Variants in SLC60A1 observed in about 807,000 individuals in gnomAD.
SLC60A1 encodes the protein major facilitator superfamily domain containing 4.
the SLC60A1 span, chr1:205,586,259 C>T: frequency 3.1e-6 from 5 of 1,598,164 alleles, no homozygotes; most frequent in Admixed American, 8.5e-5. Flanking sequence ...GGAGAAGCCG[C>T]CTCCTCCTGG....
the SLC60A1 span, among the ~76,000 whole-genome samples, chr1:205,593,305 C>T: frequency 6.6e-6 from 1 of 151,446 alleles, no homozygotes; most frequent in South Asian, 2.1e-4. Flanking sequence ...CCCGTCTCTA[C>T]TAAAAATACA....
At chr1:205,595,810 G>A in the SLC60A1 span, among the ~76,000 whole-genome samples, 1 of 152,210 alleles carries the variant, frequency 6.6e-6, no homozygotes, top group African/African-American at 2.4e-5. Flanking sequence ...GTATTCACCT[G>A]AGCATCCTCA....
the SLC60A1 span, chr1:205,598,880 C>T: frequency 3.8e-6 from 2 of 522,024 alleles, no homozygotes; most frequent in Non-Finnish European, 3.4e-6. Context: ...GGTTCCAGAA[C>T]ACAGAGCTGC....
chr1:205,582,668 C>G, the SLC60A1 span, among the ~76,000 whole-genome samples: 1 of 152,210 alleles, frequency 6.6e-6, no homozygotes, highest in East Asian at 1.9e-4. Context: ...TTTCCCCCCT[C>G]ACACTGGAGG....
the SLC60A1 span, chr1:205,579,874 C>T: frequency 6.2e-7 from 1 of 1,614,144 alleles, no homozygotes; most frequent in South Asian, 1.1e-5. Context: ...CGGGCTTGGC[C>T]ATGGGCTGCA....
chr1:205,597,729 T>C, the SLC60A1 span: 3 of 1,600,400 alleles, frequency 1.9e-6, no homozygotes, highest in Non-Finnish European at 2.6e-6. Context: ...TAATGCTGGC[T>C]TCTGTCTCCT....
the SLC60A1 span, chr1:205,599,332 A>T: frequency 6.5e-7 from 1 of 1,542,200 alleles, no homozygotes; most frequent in Non-Finnish European, 8.8e-7. Context: ...GATGCTATGG[A>T]TCTTAACGTG....
At chr1:205,569,032 T>G in the SLC60A1 span, 1 of 1,285,964 alleles carries the variant, frequency 7.8e-7, no homozygotes, top group Admixed American at 3.4e-5. Context: ...GGCACCGGGC[T>G]CGCCGGGACC....
chr1:205,584,128 G>A, the SLC60A1 span: 2 of 1,612,092 alleles, frequency 1.2e-6, no homozygotes, highest in African/African-American at 2.7e-5. Flanking sequence ...ACCTAGGTAG[G>A]GGCTCTAATG....
At chr1:205,586,097 G>C in the SLC60A1 span, 1 of 1,613,528 alleles carries the variant, frequency 6.2e-7, no homozygotes, top group Non-Finnish European at 8.5e-7. Context: ...GGGACACAAG[G>C]TGGCTGGCTA....
chr1:205,571,969 T>C, the SLC60A1 span, among the ~76,000 whole-genome samples: 1 of 152,086 alleles, frequency 6.6e-6, no homozygotes, highest in Admixed American at 6.5e-5. Flanking sequence ...TTCTCGTGGG[T>C]TCCTACTCAG....
chr1:205,595,045 T>G, the SLC60A1 span: 1 of 152,342 alleles, frequency 6.6e-6, no homozygotes, highest in Non-Finnish European at 1.5e-5. Context: ...AGGGCTGTGC[T>G]TACTTCAGCA....
At chr1:205,590,656 G>A in the SLC60A1 span, among the ~76,000 whole-genome samples, 1 of 152,354 alleles carries the variant, frequency 6.6e-6, no homozygotes. Flanking sequence ...AACCCTGAAA[G>A]TCTTTCCTTT....
chr1:205,599,381 A>C, the SLC60A1 span: 1 of 1,183,248 alleles, frequency 8.5e-7, no homozygotes, highest in Non-Finnish European at 1.2e-6. Context: ...ATGCAAGGAA[A>C]TGTTTATTTT....
At chr1:205,593,196 CG>C in the SLC60A1 span, among the ~76,000 whole-genome samples, 1 of 151,972 alleles carries the variant, frequency 6.6e-6, no homozygotes, top group Non-Finnish European at 1.5e-5. Context: ...TCTGGCCGCG[CG>C]GGGTGGCTCA....
At chr1:205,574,712 G>A in the SLC60A1 span, among the ~76,000 whole-genome samples, 1 of 152,106 alleles carries the variant, frequency 6.6e-6, no homozygotes, top group African/African-American at 2.4e-5. Flanking sequence ...GCTGACTCTT[G>A]CGCGACAGGA....
chr1:205,586,078 CCT>C, the SLC60A1 span: 4 of 1,612,720 alleles, frequency 2.5e-6, no homozygotes, highest in Non-Finnish European at 3.4e-6. Flanking sequence ...TGGAGAAGCC[CCT>C]GTCTGTGGGA....
chr1:205,581,121 T>C, the SLC60A1 span, among the ~76,000 whole-genome samples: 2 of 152,198 alleles, frequency 1.3e-5, no homozygotes, highest in Non-Finnish European at 2.9e-5. This position sits in a 1 kb window ranked among gnomAD's most constrained non-coding sequence, Gnocchi z 4.2. Flanking sequence ...CGACCTGTGA[T>C]TGCAGTTCTC....
the SLC60A1 span, among the ~76,000 whole-genome samples, chr1:205,578,794 G>A: frequency 1.2e-4 from 19 of 152,140 alleles, no homozygotes; most frequent in Non-Finnish European, 1.9e-4. Flanking sequence ...ATGGGGTGGG[G>A]GGCTCTCTCC....
Sources: allele counts gnomAD v4.1 joint callset (sites outside exome capture counted in the v4.1 genomes callset), GRCh38; gene constraint gnomAD v4.1.1; non-coding constraint Gnocchi (gnomAD v3.1); transcripts MANE v1.5; gene names NCBI Gene and HGNC (gene_info 2026-07-23, HGNC 2026-07-21).